The following KIAA1549L variants were observed in gnomAD, a reference collection of about 807,000 sequenced individuals.
KIAA1549L encodes KIAA1549 like.
Under a neutral mutation model 160.7 loss-of-function variants are expected in KIAA1549L, and 88 were observed. The ratio of observed to expected loss-of-function variants is 0.55; its 90% CI spans 0.46 to 0.65. KIAA1549L has a LOEUF of 0.65. KIAA1549L is among the 30% of genes least tolerant of loss of function. The pLI is 0.00. For missense variants in KIAA1549L, 2,258 were observed against 2,437.5 expected (o/e 0.93, Z 1.55); for synonymous variants, 950 against 976.7 (o/e 0.97, Z 0.51).
intron 17 of KIAA1549L, among the ~76,000 whole-genome samples, chr11:33,649,505 TAA>T (rs34818689): frequency 0.31 from 38,469 of 124,604 alleles, 5,974 homozygotes; most frequent in South Asian, 0.4. Context: ...GTCTCTATTG[TAA>T]AAAAAAAAAA....
intron 16 of KIAA1549L, among the ~76,000 whole-genome samples, chr11:33,625,046 A>G (rs1851062714): frequency 6.6e-6 from 1 of 151,846 alleles, no homozygotes; most frequent in African/African-American, 2.4e-5. Context: ...ACTAAGAATG[A>G]TGATTTCCAA....
At chr11:33,466,968 G>T (rs191238327) in intron 1 of KIAA1549L, among the ~76,000 whole-genome samples, 1 of 150,794 alleles carries the variant, frequency 6.6e-6, no homozygotes, top group East Asian at 1.9e-4. Flanking sequence ...GGGGCCTGTT[G>T]GGGGGTGGGG....
intron 17 of KIAA1549L, 56 bp from the exon 18 acceptor site, chr11:33,655,956 T>C: frequency 1.6e-6 from 2 of 1,225,682 alleles, no homozygotes; most frequent in Non-Finnish European, 2.4e-6. Context: ...GGAACCTGTG[T>C]GCTGATCGAC....
intron 1 of KIAA1549L, among the ~76,000 whole-genome samples, chr11:33,380,649 T>C (rs968890138): frequency 1.3e-5 from 2 of 152,128 alleles, no homozygotes; most frequent in African/African-American, 2.4e-5. Flanking sequence ...CCCACTATTA[T>C]TGTGTGTGAG....
intron 1 of KIAA1549L, among the ~76,000 whole-genome samples, chr11:33,429,511 G>A (rs1034992749): frequency 6.6e-6 from 1 of 152,002 alleles, no homozygotes; most frequent in African/African-American, 2.4e-5. Flanking sequence ...GTCCATTTTC[G>A]GTCCTCAATG....
intron 10 of KIAA1549L, among the ~76,000 whole-genome samples, chr11:33,579,616 T>A (rs916363751): frequency 6.6e-6 from 1 of 152,080 alleles, no homozygotes; most frequent in Non-Finnish European, 1.5e-5. Flanking sequence ...ATATCAAGGG[T>A]GTGATAGGAT....
chr11:33,649,280 C>T (rs1052379297), intron 17 of KIAA1549L, among the ~76,000 whole-genome samples: 5 of 148,198 alleles, frequency 3.4e-5, no homozygotes, highest in African/African-American at 1.0e-4. Flanking sequence ...TTGGGAGGCT[C>T]GCTTGAGACC....
At chr11:33,493,088 C>G (rs1852729472) in intron 1 of KIAA1549L, among the ~76,000 whole-genome samples, 1 of 152,114 alleles carries the variant, frequency 6.6e-6, no homozygotes, top group Non-Finnish European at 1.5e-5. Flanking sequence ...CTTGGTCTTT[C>G]CCTTGTGGCT....
At chr11:33,409,126 G>GT (rs1409095373) in intron 1 of KIAA1549L, among the ~76,000 whole-genome samples, 4 of 151,692 alleles carry the variant, frequency 2.6e-5, no homozygotes, top group South Asian at 4.2e-4. Flanking sequence ...GTGTGCATTT[G>GT]TTTTTTTTCT....
At chr11:33,435,820 A>ATATATATATATATATGTG (rs1451645887) in intron 1 of KIAA1549L, among the ~76,000 whole-genome samples, 2 of 44,766 alleles carry the variant, frequency 4.5e-5, no homozygotes, top group Non-Finnish European at 7.7e-5. Context: ...ATGTGTGTGT[A>ATATATATATATATATGTG]TATATATATA....
intron 15 of KIAA1549L, among the ~76,000 whole-genome samples, chr11:33,617,908 C>CGGATGGACGGATGGAT (rs1470444583): frequency 8.2e-5 from 12 of 146,178 alleles, no homozygotes; most frequent in African/African-American, 3.0e-4. Flanking sequence ...GATGGATGGA[C>CGGATGGACGGATGGAT]GGATGGACGG....
At chr11:33,528,818 C>T (rs2133143028) in intron 1 of KIAA1549L, among the ~76,000 whole-genome samples, 1 of 152,250 alleles carries the variant, frequency 6.6e-6, no homozygotes, top group Non-Finnish European at 1.5e-5. Context: ...ACTCTGGGGA[C>T]TCCGGGGGAA....
At chr11:33,446,680 A>T (rs920418266) in intron 1 of KIAA1549L, among the ~76,000 whole-genome samples, 156 of 151,172 alleles carry the variant, frequency 1.0e-3, no homozygotes, top group East Asian at 5.3e-3. Flanking sequence ...TTTTTTTTTT[A>T]AATTTAAGTT....
At chr11:33,563,910 T>C (rs1854960835) in intron 8 of KIAA1549L, among the ~76,000 whole-genome samples, 1 of 152,206 alleles carries the variant, frequency 6.6e-6, no homozygotes, top group Admixed American at 6.5e-5. Flanking sequence ...TTGTGTCATC[T>C]TTTCTTCATC....
chr11:33,446,781 C>T (rs1376411747), intron 1 of KIAA1549L, among the ~76,000 whole-genome samples: 3 of 152,114 alleles, frequency 2.0e-5, no homozygotes, highest in Non-Finnish European at 4.4e-5. Flanking sequence ...GCCCTAGTGT[C>T]CTGAAATGTG....
rs891349552 is a variant in KIAA1549L, at chr11:33,673,263, A to T, written c.*5109A>T. ...ACCATACTTCAGTGAGAGCCATTATAAGTGAAATCTAAAAATTGATCGTTT... is the reference window on the plus strand; with the variant it reads ...ACCATACTTCAGTGAGAGCCATTATTAGTGAAATCTAAAAATTGATCGTTT... On this transcript the variant is annotated 3_prime_UTR_variant, in exon 21 of 21. Transcript: ENST00000658780. 1 of 152,210 alleles carries T rather than the reference A, an allele frequency of 6.6e-6. No individual in the cohort carries two copies. The highest frequency in any genetic ancestry group is 2.4e-5 in the African/African-American group (1 of 41,456). 9.4% of individuals were successfully genotyped at this position (152,210 alleles called of 1,614,324 possible).
chr11:33,502,238 G>A (rs755431285), intron 1 of KIAA1549L, among the ~76,000 whole-genome samples: 6 of 152,096 alleles, frequency 3.9e-5, no homozygotes, highest in Admixed American at 3.9e-4. Context: ...GAGCTACATC[G>A]CATCACTCAT....
chr11:33,439,577 T>G (rs1197764543), intron 1 of KIAA1549L, among the ~76,000 whole-genome samples: 1 of 150,050 alleles, frequency 6.7e-6, no homozygotes, highest in African/African-American at 2.4e-5. Context: ...TAATTTTTTT[T>G]TTTTTTTTTT....
chr11:33,547,259 C>T (rs1038690929), intron 3 of KIAA1549L, among the ~76,000 whole-genome samples: 19 of 152,212 alleles, frequency 1.2e-4, no homozygotes, highest in African/African-American at 4.6e-4. Flanking sequence ...GGGTGCTCCT[C>T]CTAGGAGCTC....
Sources: gnomAD v4.1 joint callset for allele counts (sites outside exome capture counted in the v4.1 genomes callset) on GRCh38, gnomAD v4.1.1 for gene constraint, MANE v1.5 for transcripts, NCBI Gene and HGNC (gene_info 2026-07-23, HGNC 2026-07-21) for gene names.